The following GIPC3 variants were observed in gnomAD, a reference collection of about 807,000 sequenced individuals.
GIPC3 encodes GIPC PDZ domain containing family member 3, also known as PDZ domain-containing protein GIPC3.
In GIPC3, 16 loss-of-function variants were observed where a neutral mutation model predicts 27.3. The ratio of observed to expected loss-of-function variants is 0.59; its 90% CI spans 0.40 to 0.89. GIPC3 has a LOEUF of 0.89. Among genes scored for constraint, GIPC3 ranks in the 40% least tolerant of loss-of-function variants. The pLI is 0.00. For missense variants in GIPC3, 440 were observed against 442.1 expected (o/e 1.00, Z 0.04); for synonymous variants, 194 against 184.6 (o/e 1.05, Z -0.41).
In GIPC3 at chr19:3,591,992, G is replaced by A. The variant is rs542831447; in HGVS notation, c.*1802G>A. 2.4e-6 allele frequency: 3 copies of A among 1,232,120 alleles called. No individual in the cohort carries two copies. The highest frequency in any genetic ancestry group is 8.2e-5 in the South Asian group (2 of 24,314). The allele number at this position is 1,232,120 out of a possible 1,614,324, so 76.3% of individuals were successfully genotyped here. ...GCACCGCACCCAGCTCTGGAACTCA[G>A]CTCAGTTCTGGAGCACAGGCTGGTT... On this transcript the variant is annotated 3_prime_UTR_variant, in exon 6 of 6. Transcript: ENST00000644452.
chr19:3,586,349 CCT>C (rs1770642799), intron 1 of GIPC3, 144 bp from the exon 2 acceptor site: 10 of 745,006 alleles, frequency 1.3e-5, no homozygotes, highest in Non-Finnish European at 2.1e-5. Context: ...CCTTCTCCCT[CCT>C]CTCTCTGTTC....
At chr19:3,588,565 G>A (rs1014982229) in intron 3 of GIPC3, among the ~76,000 whole-genome samples, 4 of 150,120 alleles carry the variant, frequency 2.7e-5, no homozygotes, top group Non-Finnish European at 4.4e-5. Context: ...CGGGCGTGGT[G>A]GCTCACACCT....
At chr19:3,588,815 G>C (rs1053558869) in intron 3 of GIPC3, among the ~76,000 whole-genome samples, 4 of 151,836 alleles carry the variant, frequency 2.6e-5, no homozygotes, top group Non-Finnish European at 1.5e-5. Flanking sequence ...ATGGTGGCAG[G>C]TGCCTGTAAT....
intron 4 of GIPC3, 90 bp from the exon 5 acceptor site, chr19:3,589,741 A>G (rs1246308573): frequency 3.1e-6 from 4 of 1,275,906 alleles, no homozygotes; most frequent in Non-Finnish European, 4.5e-6. Context: ...GGTCCAGTCT[A>G]CTCTTCCCTT....
In GIPC3 at chr19:3,591,999, T is replaced by A; in HGVS notation, c.*1809T>A. On this transcript the variant is annotated 3_prime_UTR_variant, in exon 6 of 6. Coordinates refer to ENST00000644452, the MANE Select transcript of GIPC3 (RefSeq NM_133261.3). ...ACCCAGCTCTGGAACTCAGCTCAGT[T>A]CTGGAGCACAGGCTGGTTCTGAAAT... is the stretch of plus-strand genomic sequence containing the variant. 1 of 1,232,096 alleles carries A rather than the reference T, an allele frequency of 8.1e-7. No individual in the cohort carries two copies. The highest frequency in any genetic ancestry group is 1.0e-6 in the Non-Finnish European group (1 of 988,038). The allele number at this position is 1,232,096 out of a possible 1,614,324, so 76.3% of individuals were successfully genotyped here.
intron 3 of GIPC3, among the ~76,000 whole-genome samples, chr19:3,588,375 C>T (rs1405566160): frequency 2.0e-5 from 3 of 152,068 alleles, no homozygotes. Flanking sequence ...ACATTCTCCT[C>T]ATGTAGCCAT....
Position 3,592,961 on chromosome 19 carries a change from C to G in GIPC3, c.*2771C>G. 2 of 1,225,970 alleles carry G rather than the reference C, an allele frequency of 1.6e-6. No individual in the cohort carries two copies. The highest frequency in any genetic ancestry group is 2.0e-6 in the Non-Finnish European group (2 of 983,224). 75.9% of individuals were successfully genotyped at this position (1,225,970 alleles called of 1,614,324 possible). On this transcript the variant is annotated 3_prime_UTR_variant, in exon 6 of 6. Transcript: ENST00000644452. ...CATCCCCCAGAGACCCCACCCCAGC[C>G]CCTAGCAAAGACCCCCAGCCTCTGC...
intron 3 of GIPC3, among the ~76,000 whole-genome samples, chr19:3,588,715 C>T (rs765342896): frequency 1.3e-4 from 19 of 150,784 alleles, no homozygotes; most frequent in East Asian, 3.9e-4. Context: ...AAGGCCAAGG[C>T]GGGTGCATCA....
chr19:3,592,734 G>A lies in GIPC3; in HGVS notation c.*2544G>A, dbSNP rs1472155911. 3.3e-6 allele frequency: 4 copies of A among 1,230,630 alleles called. No homozygotes were observed. The highest frequency in any genetic ancestry group is 4.1e-6 in the Non-Finnish European group (4 of 987,452). 76.2% of individuals were successfully genotyped at this position (1,230,630 alleles called of 1,614,324 possible). The stretch of plus-strand genomic sequence containing the variant: ...CGGGCTCAGCTCTGAAACCCAGACC[G>A]GCTCAAGAATTCAGCCCAGCCCTGG... On this transcript the variant is annotated 3_prime_UTR_variant, in exon 6 of 6. Transcript: ENST00000644452.
chr19:3,589,607 A>G, intron 4 of GIPC3, 52 bp downstream of exon 4: 1 of 1,451,170 alleles, frequency 6.9e-7, no homozygotes, highest in Non-Finnish European at 9.7e-7. Flanking sequence ...CAGCTCCTCC[A>G]CTGAGTCAGT....
intron 3 of GIPC3, 122 bp from the exon 4 acceptor site, chr19:3,589,321 A>G: frequency 2.7e-6 from 2 of 752,178 alleles, no homozygotes; most frequent in Non-Finnish European, 4.8e-6. Flanking sequence ...TGCCGTACAG[A>G]TGTAAGGAGG....
At chr19:3,589,142 AG>A (rs2032432779) in intron 3 of GIPC3, among the ~76,000 whole-genome samples, 1 of 152,188 alleles carries the variant, frequency 6.6e-6, no homozygotes, top group East Asian at 1.9e-4. Flanking sequence ...TACCACAAGG[AG>A]GGTCCCAAGC....
intron 3 of GIPC3, among the ~76,000 whole-genome samples, chr19:3,587,940 C>T (rs1350525101): frequency 3.3e-5 from 5 of 152,038 alleles, no homozygotes; most frequent in African/African-American, 7.2e-5. Context: ...CCGCCCACCT[C>T]GGCCTCCCAA....
chr19:3,588,560 G>A (rs548204794), intron 3 of GIPC3, among the ~76,000 whole-genome samples: 6 of 150,930 alleles, frequency 4.0e-5, no homozygotes, highest in South Asian at 4.2e-4. Context: ...TAGGCCGGGC[G>A]TGGTGGCTCA....
rs1037874404 is a variant in GIPC3 at position 3,591,679 on chromosome 19, G to A, written c.*1489G>A. ...AGATCCCAACCCCAGTTGCATCCAA[G>A]TGCCCATCCCCATCCTGCAGCCCAG... On this transcript the variant is annotated 3_prime_UTR_variant, in exon 6 of 6. Coordinates refer to ENST00000644452, the MANE Select transcript of GIPC3 (RefSeq NM_133261.3). The A allele has an allele frequency of 2.3e-5, 28 of 1,234,190 alleles. No homozygotes were observed. In the South Asian group the frequency reaches 1.1e-3, roughly 49 times the overall value. 76.5% of individuals were successfully genotyped at this position (1,234,190 alleles called of 1,614,324 possible).
In GIPC3 at chr19:3,592,207, G is replaced by A. The variant is rs946316270; in HGVS notation, c.*2017G>A. 41 of 1,231,884 alleles carry A rather than the reference G, an allele frequency of 3.3e-5. No homozygotes were observed. The East Asian group carries it at 1.0e-3, about 31-fold the overall frequency. The allele number at this position is 1,231,884 out of a possible 1,614,324, so 76.3% of individuals were successfully genotyped here. On this transcript the variant is annotated 3_prime_UTR_variant, in exon 6 of 6. Transcript: ENST00000644452. ...AGGACCCAGCGCTGCCCAGGAGCTCGACCAGCCTCTGGGACTCAATTCGCC... is the reference window on the plus strand; with the variant it reads ...AGGACCCAGCGCTGCCCAGGAGCTCAACCAGCCTCTGGGACTCAATTCGCC...
Position 3,590,466 on chromosome 19 carries a change from A to G in GIPC3, c.*276A>G, listed in dbSNP as rs2032466333. ...TCAGGCCAGCCCTGAGACCAAGCCC[A>G]GCTCTAGAACTCAGATGAGCTTTGA... On this transcript the variant is annotated 3_prime_UTR_variant, in exon 6 of 6. Transcript: ENST00000644452. The G allele has an allele frequency of 7.0e-7, 1 of 1,422,138 alleles. No individual in the cohort carries two copies. Among genetic ancestry groups the G allele is most frequent in the South Asian group, 1.6e-5 (1 of 63,458 alleles). The allele number at this position is 1,422,138 out of a possible 1,614,324, so 88.1% of individuals were successfully genotyped here. A position where few individuals can be genotyped will look rare whatever the true frequency, so the allele number is the denominator to read the frequency against.
intron 3 of GIPC3, among the ~76,000 whole-genome samples, chr19:3,588,136 C>T (rs2032411030): frequency 6.6e-6 from 1 of 152,118 alleles, no homozygotes; most frequent in African/African-American, 2.4e-5. Flanking sequence ...TCCCAACTAG[C>T]TGGGATTACA....
rs766652884 is a variant in GIPC3 at position 3,586,650 on chromosome 19, G to C, written c.381G>C (p.Thr127=). The change falls in exon 2 of 6, where the codon ACG becomes ACC. Residue 127 remains threonine (T), a synonymous_variant. Coordinates refer to ENST00000644452, the MANE Select transcript of GIPC3 (RefSeq NM_133261.3). ...AGGATGCTCTGGGGCTGACCATCAC[G>C]GACAACGGGGCTGGCTACGCCTTCA... ...KTEDALGLTI[T]DNGAGYAFIK... The C allele has an allele frequency of 2.4e-5, 38 of 1,612,748 alleles. No individual in the cohort carries two copies. In the Middle Eastern group the frequency reaches 8.2e-4, roughly 35 times the overall value.
Sources: gnomAD v4.1 joint callset for allele counts (sites outside exome capture counted in the v4.1 genomes callset) on GRCh38, gnomAD v4.1.1 for gene constraint, MANE v1.5 for transcripts, NCBI Gene and HGNC (gene_info 2026-07-23, HGNC 2026-07-21) for gene names.